Variants in FSTL4 observed in about 807,000 individuals in gnomAD.
FSTL4 encodes follistatin-related protein 4.
Under a neutral mutation model 78.2 loss-of-function variants are expected in FSTL4, and 28 were observed. The observed-to-expected ratio is 0.36, with a 90% CI of 0.27 to 0.49. The LOEUF is 0.49. Ranked by LOEUF, FSTL4 falls within the 20% of genes least tolerant of loss-of-function variation. FSTL4 has a pLI of 0.98. For missense variants in FSTL4, 922 were observed against 1,084.9 expected (o/e 0.85, Z 2.11); for synonymous variants, 422 against 440.5 (o/e 0.96, Z 0.53).
In FSTL4 at chr5:133,380,586, T is replaced by C. The variant is rs142932937; in HGVS notation, c.409+20152A>G. 3.2e-3 allele frequency among the ~76,000 whole-genome samples: 491 copies of C among 151,952 alleles called. 3 individuals carry two copies. The highest frequency in any genetic ancestry group is 0.011 in the African/African-American group (473 of 41,514). On this transcript the variant is annotated intron_variant, in intron 4 of 15. Coordinates refer to ENST00000265342, the MANE Select transcript of FSTL4 (RefSeq NM_015082.2). ...CAAATTAATTCACTGGTAAATTCTA[T>C]CAAACATTTAAATAAGAATTAATAA... is the stretch of plus-strand genomic sequence containing the variant.
the FSTL4 span, among the ~76,000 whole-genome samples, chr5:133,773,682 A>G: frequency 1.4e-3 from 217 of 152,236 alleles, no homozygotes; most frequent in African/African-American, 4.9e-3. Context: ...TGCGTGCTTC[A>G]TCTTCTTTTT....
At chr5:133,717,967 T>C in the FSTL4 span, among the ~76,000 whole-genome samples, 1 of 152,256 alleles carries the variant, frequency 6.6e-6, no homozygotes, top group African/African-American at 2.4e-5. Flanking sequence ...TTTAACTTTA[T>C]AAGAAACTGC....
chr5:133,608,617 T>C (rs182628102), intron 1 of FSTL4, among the ~76,000 whole-genome samples: 1 of 152,360 alleles, frequency 6.6e-6, no homozygotes, highest in East Asian at 1.9e-4. Flanking sequence ...ATTTTGCTTT[T>C]CTCAATGCTG....
chr5:133,291,812 A>G (rs1753269434), intron 6 of FSTL4, among the ~76,000 whole-genome samples: 1 of 152,142 alleles, frequency 6.6e-6, no homozygotes, highest in Non-Finnish European at 1.5e-5. Context: ...GCCAGGGGTC[A>G]GGATGAAGGC....
Position 133,611,612 on chromosome 5 carries a change from C to T in FSTL4, c.-11+713G>A, listed in dbSNP as rs1761094466. Among the ~76,000 whole-genome samples, 1 of 152,224 alleles carries T rather than the reference C, an allele frequency of 6.6e-6. No individual in the cohort carries two copies. The highest frequency in any genetic ancestry group is 6.5e-5 in the Admixed American group (1 of 15,294). ...CGCCCCCAACACACTGCTCCCTAGA[C>T]ACGTTCAAGCGGGTACCCCGGGCCG... On this transcript the variant is annotated intron_variant, in intron 1 of 15. Transcript: ENST00000265342. This position sits in a 1 kb window ranked among gnomAD's most constrained non-coding sequence, Gnocchi z 4.9.
chr5:133,665,885 C>G, the FSTL4 span, among the ~76,000 whole-genome samples: 1 of 152,194 alleles, frequency 6.6e-6, no homozygotes, highest in Admixed American at 6.5e-5. Flanking sequence ...AAAGGCTGGT[C>G]CTGGGGAGCA....
At chr5:133,643,086 G>A in the FSTL4 span, among the ~76,000 whole-genome samples, 29 of 152,188 alleles carry the variant, frequency 1.9e-4, no homozygotes, top group African/African-American at 6.3e-4. Context: ...TGTGAAAGTC[G>A]GAGACTGCCT....
the FSTL4 span, among the ~76,000 whole-genome samples, chr5:133,817,690 C>T: frequency 1.3e-5 from 2 of 152,190 alleles, no homozygotes; most frequent in Non-Finnish European, 1.5e-5. Flanking sequence ...TCTGACCTCC[C>T]ATGGGCAGAA....
At chr5:133,484,701 A>G (rs1260184118) in intron 3 of FSTL4, among the ~76,000 whole-genome samples, 3 of 152,196 alleles carry the variant, frequency 2.0e-5, no homozygotes, top group African/African-American at 7.2e-5. Context: ...AAGTAACAAC[A>G]TAACACAGTG....
intron 8 of FSTL4, among the ~76,000 whole-genome samples, chr5:133,231,540 C>T (rs1389254020): frequency 2.0e-5 from 3 of 152,108 alleles, no homozygotes; most frequent in African/African-American, 4.8e-5. Context: ...TAGGCACACA[C>T]ATTCATTTTC....
chr5:133,325,976 C>A (rs1754202796), intron 4 of FSTL4, among the ~76,000 whole-genome samples: 1 of 152,242 alleles, frequency 6.6e-6, no homozygotes, highest in Non-Finnish European at 1.5e-5. Flanking sequence ...AATTGTCTGG[C>A]ACCCATGTTA....
the FSTL4 span, among the ~76,000 whole-genome samples, chr5:133,687,444 G>C: frequency 6.6e-6 from 1 of 152,086 alleles, no homozygotes; most frequent in African/African-American, 2.4e-5. Flanking sequence ...TTTCAATCCC[G>C]CAAGAGGTGA....
intron 3 of FSTL4, among the ~76,000 whole-genome samples, chr5:133,490,727 G>A (rs1758250690): frequency 6.6e-6 from 1 of 152,176 alleles, no homozygotes; most frequent in African/African-American, 2.4e-5. Context: ...GTGCAAATTA[G>A]TTAAGGAATA....
chr5:133,767,205 G>A, the FSTL4 span, among the ~76,000 whole-genome samples: 2 of 152,176 alleles, frequency 1.3e-5, no homozygotes, highest in Non-Finnish European at 2.9e-5. Context: ...TATCCCACCC[G>A]AGGGAAAGGA....
intron 14 of FSTL4, among the ~76,000 whole-genome samples, chr5:133,206,198 A>G (rs1044786132): frequency 2.9e-4 from 44 of 152,060 alleles, no homozygotes; most frequent in African/African-American, 1.0e-3. Context: ...TCAGCTGTAC[A>G]TTTTTCTATG....
intron 3 of FSTL4, among the ~76,000 whole-genome samples, chr5:133,441,786 G>T (rs755906438): frequency 6.6e-6 from 1 of 152,202 alleles, no homozygotes; most frequent in South Asian, 2.1e-4. Flanking sequence ...ACACTGCTCC[G>T]CACATGGTAG....
chr5:133,538,956 T>C (rs1314818558), intron 3 of FSTL4, among the ~76,000 whole-genome samples: 1 of 152,074 alleles, frequency 6.6e-6, no homozygotes, highest in Admixed American at 6.6e-5. Flanking sequence ...CTCCACGTGG[T>C]CTCTACATGT....
chr5:133,701,427 A>G, the FSTL4 span, among the ~76,000 whole-genome samples: 2 of 150,182 alleles, frequency 1.3e-5, no homozygotes, highest in Non-Finnish European at 3.0e-5. Context: ...AGAAAGAAAG[A>G]AAAGAAAAAC....
chr5:133,210,063 G>A, intron 14 of FSTL4, 128 bp downstream of exon 14: 2 of 604,154 alleles, frequency 3.3e-6, no homozygotes, highest in South Asian at 4.1e-5. Flanking sequence ...CTCTCTCCTT[G>A]AGCCTTTATG....
Sources: gnomAD v4.1 joint callset for allele counts (sites outside exome capture counted in the v4.1 genomes callset) on GRCh38, gnomAD v4.1.1 for gene constraint, Gnocchi (gnomAD v3.1) non-coding constraint, MANE v1.5 for transcripts, NCBI Gene and HGNC (gene_info 2026-07-23, HGNC 2026-07-21) for gene names.